The following WDR43 variants were observed in gnomAD, a reference collection of about 807,000 sequenced individuals.
The protein encoded by WDR43 is WD repeat domain 43, also known as WD repeat-containing protein 43.
Under a neutral mutation model 91.4 loss-of-function variants are expected in WDR43, and 13 were observed. The ratio of observed to expected loss-of-function variants is 0.14; its 90% CI spans 0.09 to 0.23. WDR43 has a LOEUF of 0.23. WDR43 is among the 10% of genes least tolerant of loss of function. WDR43 has a pLI of 1.00. For missense variants in WDR43, 780 were observed against 809.4 expected (o/e 0.96, Z 0.44); for synonymous variants, 331 against 287.9 (o/e 1.15, Z -1.51).
chr2:28,915,518 TAAG>T (rs2148186010), intron 5 of WDR43, among the ~76,000 whole-genome samples: 1 of 152,348 alleles, frequency 6.6e-6, no homozygotes, highest in South Asian at 2.1e-4. Flanking sequence ...ATGTTAATCT[TAAG>T]AACCTGAATA....
intron 16 of WDR43, 96 bp from the exon 17 acceptor site, chr2:28,946,354 C>A: frequency 8.4e-7 from 1 of 1,188,044 alleles, no homozygotes; most frequent in Non-Finnish European, 1.1e-6. Context: ...AATAATATTT[C>A]TAAAAGTAAA....
At chr2:28,914,251 C>T in intron 5 of WDR43, 43 bp downstream of exon 5, 2 of 1,582,542 alleles carry the variant, frequency 1.3e-6, no homozygotes, top group South Asian at 2.3e-5. Flanking sequence ...TTGAAAGAAT[C>T]TGTCAGAGCT....
intron 1 of WDR43, among the ~76,000 whole-genome samples, chr2:28,898,948 A>G (rs1043053039): frequency 6.6e-6 from 1 of 152,176 alleles, no homozygotes; most frequent in East Asian, 1.9e-4. Context: ...TAAATTATGC[A>G]CATGTGCCAT....
At chr2:28,900,129 T>C (rs1670551947) in intron 1 of WDR43, among the ~76,000 whole-genome samples, 1 of 152,216 alleles carries the variant, frequency 6.6e-6, no homozygotes, top group African/African-American at 2.4e-5. Context: ...ATCGAGAAAC[T>C]TCCATTTAGA....
chr2:28,905,451 T>C (rs529920724), intron 2 of WDR43, among the ~76,000 whole-genome samples: 81 of 152,312 alleles, frequency 5.3e-4, no homozygotes, highest in Non-Finnish European at 1.0e-3. Flanking sequence ...CAAGGAAGCA[T>C]TTAGTGTTTA....
intron 10 of WDR43, among the ~76,000 whole-genome samples, chr2:28,928,282 G>A (rs943237961): frequency 6.6e-6 from 1 of 151,916 alleles, no homozygotes; most frequent in Non-Finnish European, 1.5e-5. Context: ...GGTTTCTTTA[G>A]CTGATTTTAC....
intron 3 of WDR43, among the ~76,000 whole-genome samples, chr2:28,906,955 G>T (rs1329272128): frequency 7.2e-5 from 11 of 151,990 alleles, no homozygotes; most frequent in Admixed American, 6.6e-4. Context: ...TTGGGGAGAT[G>T]GCAAGAACAA....
intron 6 of WDR43, among the ~76,000 whole-genome samples, chr2:28,919,655 C>CAA (rs879362160): frequency 5.1e-4 from 67 of 132,286 alleles, no homozygotes; most frequent in African/African-American, 1.7e-3. Flanking sequence ...GACTCCGTCT[C>CAA]AAAAAAAAAA....
At chr2:28,913,015 T>G (rs1178355607) in intron 4 of WDR43, among the ~76,000 whole-genome samples, 2 of 146,464 alleles carry the variant, frequency 1.4e-5, no homozygotes, top group Non-Finnish European at 3.0e-5. Context: ...TGCAGTGGCG[T>G]GATCTCGGCT....
chr2:28,938,037 C>T, intron 14 of WDR43, 43 bp downstream of exon 14: 1 of 1,600,794 alleles, frequency 6.2e-7, no homozygotes, highest in Non-Finnish European at 8.6e-7. Flanking sequence ...AATAGTTTGG[C>T]TTTGATAAGG....
intron 1 of WDR43, 107 bp from the exon 2 acceptor site, chr2:28,901,880 C>G (rs1670583038): frequency 9.0e-7 from 1 of 1,108,574 alleles, no homozygotes; most frequent in Admixed American, 3.3e-5. Flanking sequence ...CTCTCTTCCC[C>G]CCTTTTAAAA....
intron 10 of WDR43, 66 bp downstream of exon 10, chr2:28,927,766 G>C: frequency 1.2e-6 from 2 of 1,601,152 alleles, no homozygotes; most frequent in Admixed American, 3.4e-5. Context: ...ATTCTAACAA[G>C]TGTGTTGGAT....
intron 16 of WDR43, among the ~76,000 whole-genome samples, chr2:28,944,267 C>T (rs551797148): frequency 4.7e-5 from 5 of 107,384 alleles, no homozygotes; most frequent in African/African-American, 1.9e-4. Context: ...CCGAAGAGAG[C>T]ACAGAAATAC....
intron 14 of WDR43, among the ~76,000 whole-genome samples, chr2:28,940,826 C>T (rs371262912): frequency 7.9e-5 from 12 of 152,262 alleles, no homozygotes; most frequent in East Asian, 7.7e-4. Context: ...CTTTATCAGT[C>T]GTGTTGTGTT....
rs1323545420 is a variant in WDR43 at position 28,938,004 on chromosome 2, T to C, written c.1620+10T>C. 1.9e-6 allele frequency: 3 copies of C among 1,611,662 alleles called. No homozygotes were observed. Among genetic ancestry groups the C allele is most frequent in the African/African-American group, 2.7e-5 (2 of 74,908 alleles). ...ATCATACCTGTCCACGGTGAGTCTTTTCAGCTTCTGTTGCCGAGTATGAAT... is the reference window on the plus strand; with the variant it reads ...ATCATACCTGTCCACGGTGAGTCTTCTCAGCTTCTGTTGCCGAGTATGAAT... On this transcript the variant is annotated intron_variant, in intron 14 of 17. Transcript: ENST00000407426.
At chr2:28,932,733 G>A (rs1448534567) in intron 11 of WDR43, among the ~76,000 whole-genome samples, 1 of 152,150 alleles carries the variant, frequency 6.6e-6, no homozygotes, top group Non-Finnish European at 1.5e-5. Flanking sequence ...TAGAAAACCT[G>A]ACATTAACAT....
intron 14 of WDR43, among the ~76,000 whole-genome samples, chr2:28,939,782 G>A (rs1671399449): frequency 6.6e-6 from 1 of 152,096 alleles, no homozygotes. Flanking sequence ...TAAAGTATTA[G>A]AAATAGGAGT....
intron 11 of WDR43, among the ~76,000 whole-genome samples, chr2:28,935,078 T>C (rs1264012518): frequency 6.6e-6 from 1 of 152,194 alleles, no homozygotes; most frequent in Non-Finnish European, 1.5e-5. Flanking sequence ...TGTCATCTTT[T>C]GATTGGCATA....
chr2:28,906,474 C>T lies in WDR43; in HGVS notation c.378C>T (p.Asp126=), dbSNP rs746739701. Residue 126 remains aspartate (D), a synonymous_variant, in exon 3 of 18, where the codon GAC becomes GAT. Coordinates refer to ENST00000407426, the MANE Select transcript of WDR43 (RefSeq NM_015131.3). ...TTAATCTACAGAGTGGTGGACATGACAACAGAGTCAACTGCATACAGTGGC... is the reference window on the plus strand; with the variant it reads ...TTAATCTACAGAGTGGTGGACATGATAACAGAGTCAACTGCATACAGTGGC... ...LHSKLISGGH[D]NRVNCIQWHQ... 2 of 1,564,704 alleles carry T rather than the reference C, an allele frequency of 1.3e-6. No homozygotes were observed. The highest frequency in any genetic ancestry group is 1.7e-6 in the Non-Finnish European group (2 of 1,155,538).
Sources: allele counts gnomAD v4.1 joint callset (sites outside exome capture counted in the v4.1 genomes callset), GRCh38; gene constraint gnomAD v4.1.1; transcripts MANE v1.5; gene names NCBI Gene and HGNC (gene_info 2026-07-23, HGNC 2026-07-21).